PUDP: variants seen among roughly 807,000 people sequenced by gnomAD.
PUDP encodes the protein pseudouridine 5'-phosphatase, also known as pseudouridine-5'-phosphatase.
A neutral mutation model predicts 9.4 loss-of-function variants in PUDP; 8 were observed. That is an observed-to-expected ratio of 0.85 (90% CI 0.50 to 1.53). PUDP has a LOEUF of 1.53. PUDP is among the 40% of genes most tolerant of loss of function. The pLI, the probability that PUDP is intolerant of heterozygous loss-of-function variation, is 0.00. For synonymous variants in PUDP, 99 were observed against 80.7 expected, an observed-to-expected ratio of 1.23 and a Z score of -1.22; for missense variants, 188 against 189.7, an observed-to-expected ratio of 0.99 and a Z score of 0.05.
At chrX:6,801,964 C>G (rs1925941739) in intron 3 of PUDP, among the ~76,000 whole-genome samples, 1 of 111,737 alleles carries the variant, frequency 8.9e-6, no homozygotes, top group African/African-American at 3.3e-5. Flanking sequence ...GAAGGCAACA[C>G]TGAGTGTTAC....
chrX:7,142,714 G>A (rs137970892), intron 1 of PUDP, among the ~76,000 whole-genome samples: 1,841 of 97,683 alleles, frequency 0.019, 37 homozygotes, highest in African/African-American at 0.066. Flanking sequence ...GTGGGATCTC[G>A]GCTCACTGCA....
At chrX:6,949,437 C>G (rs1349151192) in intron 3 of PUDP, among the ~76,000 whole-genome samples, 1 of 110,692 alleles carries the variant, frequency 9.0e-6, no homozygotes. Flanking sequence ...GCCCTTAAAC[C>G]CATATACACC....
chrX:6,899,441 C>T (rs893163697), intron 3 of PUDP, among the ~76,000 whole-genome samples: 1 of 111,328 alleles, frequency 9.0e-6, no homozygotes, highest in Admixed American at 9.6e-5. Flanking sequence ...ATTAGCATGA[C>T]CCATGCCTGT....
chrX:7,124,351 C>T (rs1602818767), intron 1 of PUDP, among the ~76,000 whole-genome samples: 1 of 111,862 alleles, frequency 8.9e-6, no homozygotes, highest in East Asian at 2.8e-4. Context: ...AATGGAAACA[C>T]AACATACCAA....
At chrX:7,054,175 G>A (rs1930175183) in intron 3 of PUDP, among the ~76,000 whole-genome samples, 1 of 111,772 alleles carries the variant, frequency 8.9e-6, no homozygotes, top group Non-Finnish European at 1.9e-5. Context: ...TTGGGAGGCC[G>A]AGGTACGCGG....
chrX:7,115,774 G>C (rs1375275438), intron 1 of PUDP, among the ~76,000 whole-genome samples: 1 of 112,508 alleles, frequency 8.9e-6, no homozygotes, highest in African/African-American at 3.2e-5. Flanking sequence ...AGATCCTGTC[G>C]GCAGCGCTAT....
intron 1 of PUDP, among the ~76,000 whole-genome samples, chrX:7,131,968 G>C (rs1419138945): frequency 1.8e-5 from 2 of 110,066 alleles, no homozygotes; most frequent in Non-Finnish European, 3.8e-5. Flanking sequence ...TTGCTCTGCT[G>C]TGAGGCACAT....
intron 1 of PUDP, among the ~76,000 whole-genome samples, chrX:6,992,889 G>A (rs1330871784): frequency 9.0e-6 from 1 of 111,666 alleles, no homozygotes; most frequent in Non-Finnish European, 1.9e-5. Flanking sequence ...GCAGGTAGAG[G>A]AACATGGAAA....
chrX:6,920,148 G>A (rs1011445181), intron 3 of PUDP, among the ~76,000 whole-genome samples: 1 of 109,434 alleles, frequency 9.1e-6, no homozygotes, highest in Admixed American at 9.9e-5. Context: ...ATCAATAATC[G>A]CATCCTTTCA....
chrX:6,933,432 T>A (rs1449351075), intron 3 of PUDP, among the ~76,000 whole-genome samples: 2 of 110,919 alleles, frequency 1.8e-5, no homozygotes, highest in Non-Finnish European at 3.8e-5. Flanking sequence ...GTCCTGTCTG[T>A]TAGAAGGAAA....
At chrX:6,974,995 A>G (rs1928931479) in intron 3 of PUDP, among the ~76,000 whole-genome samples, 1 of 108,126 alleles carries the variant, frequency 9.2e-6, no homozygotes, top group Admixed American at 1.0e-4. Context: ...CTTCTGCTTG[A>G]TCGATTCGGC....
intron 3 of PUDP, among the ~76,000 whole-genome samples, chrX:6,827,550 T>C (rs949296990): frequency 3.6e-5 from 4 of 111,876 alleles, no homozygotes; most frequent in Non-Finnish European, 7.5e-5. Context: ...ATTGCCCTTA[T>C]GTTCCCTGGC....
At chrX:7,000,001 C>T (rs756844597) in intron 1 of PUDP, among the ~76,000 whole-genome samples, 2 of 109,912 alleles carry the variant, frequency 1.8e-5, no homozygotes, top group South Asian at 7.8e-4. Context: ...CATTGTGTAT[C>T]CACCAAAGGG....
At chrX:6,728,574 A>G (rs1432652817) in intron 3 of PUDP, among the ~76,000 whole-genome samples, 1 of 111,929 alleles carries the variant, frequency 8.9e-6, no homozygotes, top group Non-Finnish European at 1.9e-5. Flanking sequence ...CCAGGGCACA[A>G]AGGGATTATG....
chrX:6,741,357 T>G (rs2146665115), intron 3 of PUDP, among the ~76,000 whole-genome samples: 1 of 111,917 alleles, frequency 8.9e-6, no homozygotes, highest in African/African-American at 3.3e-5. Flanking sequence ...CTGTTGCATA[T>G]GTAAATGAAT....
intron 3 of PUDP, among the ~76,000 whole-genome samples, chrX:6,931,630 T>C (rs1462394883): frequency 8.9e-6 from 1 of 112,195 alleles, no homozygotes; most frequent in Non-Finnish European, 1.9e-5. Flanking sequence ...AGCCAGTCAG[T>C]ATAAATCAGA....
At chrX:6,986,332 C>G (rs1416340200) in intron 1 of PUDP, among the ~76,000 whole-genome samples, 1 of 111,775 alleles carries the variant, frequency 8.9e-6, no homozygotes, top group East Asian at 2.8e-4. Context: ...GATCCGGACC[C>G]CTTTCCTGTA....
At chrX:7,005,400 T>TATG (rs1430794477) in intron 1 of PUDP, among the ~76,000 whole-genome samples, 2 of 104,381 alleles carry the variant, frequency 1.9e-5, no homozygotes, top group East Asian at 5.9e-4. Context: ...AAATTTGCCA[T>TATG]ATTATTATTA....
At chrX:6,715,643 CCTT>C (rs1454437872) in intron 1 of PUDP, among the ~76,000 whole-genome samples, 1 of 112,378 alleles carries the variant, frequency 8.9e-6, no homozygotes, top group Non-Finnish European at 1.9e-5. Flanking sequence ...AAATAGCTCT[CCTT>C]CACAACATGA....
Sources: allele counts gnomAD v4.1 joint callset (sites outside exome capture counted in the v4.1 genomes callset), GRCh38; gene constraint gnomAD v4.1.1; transcripts MANE v1.5; gene names NCBI Gene and HGNC (gene_info 2026-07-23, HGNC 2026-07-21).